ZNF250: variants seen among roughly 807,000 people sequenced by gnomAD.
ZNF250 encodes the protein zinc finger protein (clone 647).
Under a neutral mutation model 37.1 loss-of-function variants are expected in ZNF250, and 13 were observed. The ratio of observed to expected loss-of-function variants is 0.35; its 90% confidence interval spans 0.23 to 0.56. ZNF250 has a LOEUF of 0.56. Ranked by LOEUF, ZNF250 falls within the 20% of genes least tolerant of loss-of-function variation. The pLI, the probability that ZNF250 is intolerant of heterozygous loss-of-function variation, is 0.87. For synonymous variants in ZNF250, 251 were observed against 265.6 expected (o/e 0.94, Z 0.54); for missense variants, 474 against 697.9 (o/e 0.68, Z 3.61).
chr8:144,886,874 G>C lies in ZNF250; in HGVS notation c.312C>G (p.Ala104=). ...SDNLKYDHTT[A]CTQQDSLSCP... ...AAGATAAACTGTCTTGTTGTGTACA[G>C]GCTGTAGTGTGGTCATATTTGAGGT... is the stretch of plus-strand genomic sequence containing the variant. The change falls in exon 5 of 6, where the codon GCC becomes GCG. Residue 104 remains alanine, a synonymous_variant. Coordinates refer to ENST00000417550, the MANE Select transcript of ZNF250 (RefSeq NM_001109689.4). The C allele has an allele frequency of 1.2e-6, 2 of 1,613,674 alleles. No individual in the cohort carries two copies. Among genetic ancestry groups the C allele is most frequent in the Admixed American group, 1.7e-5 (1 of 59,988 alleles).
rs1388096498 is a variant in ZNF250, at chr8:144,890,323, C to A, written c.27G>T (p.Val9=). 1 of 1,513,332 alleles carries A rather than the reference C, an allele frequency of 6.6e-7. No individual in the cohort carries two copies. Among genetic ancestry groups the A allele is most frequent in the Non-Finnish European group, 8.9e-7 (1 of 1,128,416 alleles). 93.7% of individuals were successfully genotyped at this position (1,513,332 alleles called of 1,614,324 possible). A position where few individuals can be genotyped will look rare whatever the true frequency, so the allele number is the denominator to read the frequency against. Reference sequence around the variant, plus strand: ...GACAGCTTACCTGGGGTCCTGCCGGCACTGGCAGGAGTCTGGCTGCTGCCA... The same window carrying A: ...GACAGCTTACCTGGGGTCCTGCCGGAACTGGCAGGAGTCTGGCTGCTGCCA... MAAARLLP[V]PAGPQAKLTF... is the part of the protein sequence containing the mutation. The change falls in exon 2 of 6, where the codon GTG becomes GTT. Residue 9 remains valine, a synonymous_variant. Transcript: ENST00000417550. The surrounding 1 kb of genome is among the most constrained non-coding windows in gnomAD (Gnocchi z 5.1).
chr8:144,890,361 C>T lies in ZNF250; in HGVS notation c.-12G>A, dbSNP rs1832246104. 28 of 1,488,592 alleles carry T rather than the reference C, an allele frequency of 1.9e-5. No homozygotes were observed. Among genetic ancestry groups the T allele is most frequent in the Non-Finnish European group, 2.2e-5 (25 of 1,118,312 alleles). 92.2% of individuals were successfully genotyped at this position (1,488,592 alleles called of 1,614,324 possible). A position where few individuals can be genotyped will look rare whatever the true frequency, so the allele number is the denominator to read the frequency against. ...CTGGCTGCTGCCATCACCTGGTCTCCTGGGGACTCCGAGGATCACGGAAAT... is the reference window on the plus strand; with the variant it reads ...CTGGCTGCTGCCATCACCTGGTCTCTTGGGGACTCCGAGGATCACGGAAAT... On this transcript the variant is annotated 5_prime_UTR_variant, in exon 2 of 6. Coordinates refer to ENST00000417550, the MANE Select transcript of ZNF250 (RefSeq NM_001109689.4). This position sits in a 1 kb window ranked among gnomAD's most constrained non-coding sequence, Gnocchi z 5.1.
intron 1 of ZNF250, among the ~76,000 whole-genome samples, chr8:144,892,215 C>T (rs760960582): frequency 6.6e-6 from 1 of 152,128 alleles, no homozygotes; most frequent in Non-Finnish European, 1.5e-5. Flanking sequence ...TCTGTGTTAG[C>T]GCAATGCAAC....
chr8:144,900,984 C>G (rs1833062563), intron 1 of ZNF250, among the ~76,000 whole-genome samples: 1 of 152,222 alleles, frequency 6.6e-6, no homozygotes, highest in South Asian at 2.1e-4. Flanking sequence ...GGACTCCGGC[C>G]ATCCTGGCCC....
chr8:144,880,699 A>G lies in ZNF250; in HGVS notation c.*816T>C. 1 of 327,220 alleles carries G rather than the reference A, an allele frequency of 3.1e-6. No individual in the cohort carries two copies. The allele number at this position is 327,220 out of a possible 1,614,324, so 20.3% of individuals were successfully genotyped here. ...GCCAACACGGTGAAACTCCGTCTCT[A>G]CTAAAAATACAAAAATTAGCCAGGT... On this transcript the variant is annotated 3_prime_UTR_variant, in exon 6 of 6. Coordinates refer to ENST00000417550, the MANE Select transcript of ZNF250 (RefSeq NM_001109689.4).
In ZNF250 at chr8:144,888,929, C is replaced by T. The variant is rs549309525; in HGVS notation, c.283+652G>A. On this transcript the variant is annotated intron_variant, in intron 4 of 5. Coordinates refer to ENST00000417550, the MANE Select transcript of ZNF250 (RefSeq NM_001109689.4). ...GACTACAGGTGCATGCCACCATGCC[C>T]GGCTAATTTTTTGTATTTTTAGTAG... Among the ~76,000 whole-genome samples the T allele has an allele frequency of 7.9e-5, 12 of 152,010 alleles. No individual in the cohort carries two copies. The South Asian group carries it at 1.5e-3, about 18-fold the overall frequency.
Position 144,890,461 on chromosome 8 carries a change from G to T in ZNF250, c.-54-58C>A. On this transcript the variant is annotated intron_variant, in intron 1 of 5. Coordinates refer to ENST00000417550, the MANE Select transcript of ZNF250 (RefSeq NM_001109689.4). This position sits in a 1 kb window ranked among gnomAD's most constrained non-coding sequence, Gnocchi z 5.1. The stretch of plus-strand genomic sequence containing the variant: ...GGCCTTGAGACCGTAACTTCCTAGG[G>T]GGCCCTCAGGGGATCCCTGGGCCTC... The T allele has an allele frequency of 9.8e-7, 1 of 1,023,024 alleles. No homozygotes were observed. The highest frequency in any genetic ancestry group is 1.4e-6 in the Non-Finnish European group (1 of 740,022). The allele number at this position is 1,023,024 out of a possible 1,614,324, so 63.4% of individuals were successfully genotyped here.
chr8:144,886,769 A>G (rs1357011616), intron 5 of ZNF250, 71 bp downstream of exon 5: 7 of 1,441,132 alleles, frequency 4.9e-6, no homozygotes, highest in Middle Eastern at 1.8e-4. Context: ...TCGCCTCTAC[A>G]TTCTTGTAAA....
rs1346316046 is a variant in ZNF250, at chr8:144,878,447, AG to A, written c.*3067del. On this transcript the variant is annotated 3_prime_UTR_variant, in exon 6 of 6. Transcript: ENST00000417550. ...CTTAGTGATCTCATTTCCTTTCTGA[AG>A]AATCACATCAGCAGTCTCAGCCTCT... The A allele has an allele frequency of 6.6e-6, 1 of 152,218 alleles. No individual in the cohort carries two copies. Among genetic ancestry groups the A allele is most frequent in the African/African-American group, 2.4e-5 (1 of 41,446 alleles). The allele number at this position is 152,218 out of a possible 1,614,324, so 9.4% of individuals were successfully genotyped here.
rs1220351068 is a variant in ZNF250, at chr8:144,880,124, TA to T, written c.*1390del. 3.0e-5 allele frequency: 5 copies of T among 166,546 alleles called. No homozygotes were observed. In the East Asian group the frequency reaches 8.1e-4, roughly 27 times the overall value. The allele number at this position is 166,546 out of a possible 1,614,324, so 10.3% of individuals were successfully genotyped here. A position where few individuals can be genotyped will look rare whatever the true frequency, so the allele number is the denominator to read the frequency against. On this transcript the variant is annotated 3_prime_UTR_variant, in exon 6 of 6. Coordinates refer to ENST00000417550, the MANE Select transcript of ZNF250 (RefSeq NM_001109689.4). Reference sequence around the variant, plus strand: ...ACAAATAATTCTGAATACAAATTTTTAATTATGAATAAACTAGATTCATCTT... The same window carrying T: ...ACAAATAATTCTGAATACAAATTTTTATTATGAATAAACTAGATTCATCTT...
In ZNF250 at chr8:144,877,044, T is replaced by G. The variant is rs1327398153; in HGVS notation, c.*4471A>C. ...ATGTTTTCCAAAATAATAGAAAATT[T>G]GAAGAGAACCAAGTTTCAAATTCTT... On this transcript the variant is annotated 3_prime_UTR_variant, in exon 6 of 6. Coordinates refer to ENST00000417550, the MANE Select transcript of ZNF250 (RefSeq NM_001109689.4). 1.3e-5 allele frequency: 2 copies of G among 152,242 alleles called. No homozygotes were observed. The highest frequency in any genetic ancestry group is 2.4e-5 in the African/African-American group (1 of 41,464). The allele number at this position is 152,242 out of a possible 1,614,324, so 9.4% of individuals were successfully genotyped here.
At chr8:144,900,421 G>C (rs1485411194) in intron 1 of ZNF250, among the ~76,000 whole-genome samples, 1 of 152,170 alleles carries the variant, frequency 6.6e-6, no homozygotes, top group Non-Finnish European at 1.5e-5. Flanking sequence ...GTGTGCGTGC[G>C]TGCCTAAAGC....
At position 144,889,921 on chromosome 8, in the gene ZNF250, A is replaced by G. The variant is rs1273408925; in HGVS notation, c.169+12T>C. On this transcript the variant is annotated intron_variant, in intron 3 of 5. Transcript: ENST00000417550. ...CGCAGATACATAGACGAGGCCTGCT[A>G]AGGTGGCTTACCCAATGAGACTACA... 1 of 1,592,392 alleles carries G rather than the reference A, an allele frequency of 6.3e-7. No individual in the cohort carries two copies. The highest frequency in any genetic ancestry group is 1.7e-5 in the Admixed American group (1 of 58,546).
chr8:144,894,198 A>G (rs1205070941), intron 1 of ZNF250, among the ~76,000 whole-genome samples: 1 of 151,784 alleles, frequency 6.6e-6, no homozygotes, highest in Non-Finnish European at 1.5e-5. Context: ...TTCCAAGCAC[A>G]TCCAGAACCT....
rs750832263 is a variant in ZNF250 at position 144,882,675 on chromosome 8, G to C, written c.508C>G (p.Arg170Gly). 243 of 1,613,898 alleles carry C rather than the reference G, an allele frequency of 1.5e-4. 1 individual carries two copies. Among genetic ancestry groups the C allele is most frequent in the South Asian group, 9.4e-4 (86 of 91,086 alleles). The change falls in exon 6 of 6, where the codon CGT becomes GGT. Residue 170 changes from arginine to glycine, a missense_variant. This residue lies in a region of ZNF250 where 192 missense variants were observed against 227.5 expected (regional missense o/e 0.84). Coordinates refer to ENST00000417550, the MANE Select transcript of ZNF250 (RefSeq NM_001109689.4). The surrounding 1 kb of genome is among the most constrained non-coding windows in gnomAD (Gnocchi z 5.5). The part of the protein sequence containing the change: ...FCLSPNSVDH[R>G]EVQVLSQSMP... ...CTTTGGCTTAAGACCTGAACTTCAC[G>C]GTGGTCAACAGAGTTTGGACTCAGA...
Position 144,889,703 on chromosome 8 carries a change from G to A in ZNF250, c.170-9C>T. 6.2e-7 allele frequency: 1 copy of A among 1,611,762 alleles called. No individual in the cohort carries two copies. Among genetic ancestry groups the A allele is most frequent in the South Asian group, 1.1e-5 (1 of 91,034 alleles). On this transcript the variant is annotated splice_polypyrimidine_tract_variant and intron_variant, in intron 3 of 5. Coordinates refer to ENST00000417550, the MANE Select transcript of ZNF250 (RefSeq NM_001109689.4). ...CTTGGATCCTGGAAGTCCTGCTCGT[G>A]GGGAGGGAAGTCTTTGTTTACACAA...
rs1424426285 is a variant in ZNF250 at position 144,880,400 on chromosome 8, G to A, written c.*1115C>T. 8 of 456,732 alleles carry A rather than the reference G, an allele frequency of 1.8e-5. 1 individual carries two copies. Among genetic ancestry groups the A allele is most frequent in the Admixed American group, 1.6e-4 (7 of 42,570 alleles). 28.3% of individuals were successfully genotyped at this position (456,732 alleles called of 1,614,324 possible). The stretch of plus-strand genomic sequence containing the variant: ...AGCTATGAGGTCTGCTGAGTGTGAA[G>A]CTCCCCTCCTTTGCCTGCATGGGAA... On this transcript the variant is annotated 3_prime_UTR_variant, in exon 6 of 6. Coordinates refer to ENST00000417550, the MANE Select transcript of ZNF250 (RefSeq NM_001109689.4).
Sources: gnomAD v4.1 joint callset for allele counts (sites outside exome capture counted in the v4.1 genomes callset) on GRCh38, gnomAD v4.1.1 for gene constraint, gnomAD v4.1.1 regional missense constraint, Gnocchi (gnomAD v3.1) non-coding constraint, MANE v1.5 for transcripts, NCBI Gene and HGNC (gene_info 2026-07-23, HGNC 2026-07-21) for gene names.